The following BCAT1 variants were observed in gnomAD, a reference collection of about 807,000 sequenced individuals.
BCAT1 encodes branched chain amino acid transaminase 1.
Under a neutral mutation model 52.4 loss-of-function variants are expected in BCAT1, and 48 were observed. The ratio of observed to expected loss-of-function variants is 0.92; its 90% confidence interval spans 0.73 to 1.16. The LOEUF (loss-of-function observed/expected upper bound fraction) is 1.16. Among genes scored for constraint, BCAT1 ranks in the 50% most tolerant of loss-of-function variants. The pLI, the probability that BCAT1 is intolerant of heterozygous loss-of-function variation, is 0.00. For synonymous variants in BCAT1, 167 were observed against 161.3 expected (o/e 1.04, Z -0.27); for missense variants, 451 against 457.1 (o/e 0.99, Z 0.12).
chr12:24,888,840 A>C (rs774806869), intron 3 of BCAT1, among the ~76,000 whole-genome samples: 9 of 152,178 alleles, frequency 5.9e-5, no homozygotes, highest in Non-Finnish European at 1.0e-4. Context: ...AGCCTGTAAA[A>C]TCAAGCTGCA....
intron 8 of BCAT1, among the ~76,000 whole-genome samples, chr12:24,833,459 C>T (rs1940775609): frequency 1.3e-5 from 2 of 152,092 alleles, no homozygotes. Flanking sequence ...GCAGAGGTTG[C>T]AGTGAACCAA....
At chr12:24,834,527 G>A (rs922479744) in intron 8 of BCAT1, 1 of 975,596 alleles carries the variant, frequency 1.0e-6, no homozygotes, top group Admixed American at 6.2e-5. Flanking sequence ...AAATAGAGAG[G>A]TTTAAAAAAA....
intron 1 of BCAT1, among the ~76,000 whole-genome samples, chr12:24,937,812 G>T (rs1052025746): frequency 1.3e-5 from 2 of 152,172 alleles, no homozygotes; most frequent in Non-Finnish European, 2.9e-5. Flanking sequence ...GAAGACAGTG[G>T]CCTAAACTGG....
chr12:24,887,080 AATATATATAT>A lies in BCAT1; in HGVS notation c.280-5679_280-5670del, dbSNP rs71063368. ...GCTAGCTAAAAAAAAAAAAAAAAAA[AATATATATAT>A]ATATATATATATATATATATAAAGC... On this transcript the variant is annotated intron_variant, in intron 3 of 10. Coordinates refer to ENST00000261192, the MANE Select transcript of BCAT1 (RefSeq NM_005504.7). Among the ~76,000 whole-genome samples the A allele has an allele frequency of 4.7e-3, 193 of 40,720 alleles. 2 individuals carry two copies. Among genetic ancestry groups the A allele is most frequent in the Non-Finnish European group, 5.3e-3 (101 of 19,058 alleles). 26.7% of individuals were successfully genotyped at this position (40,720 alleles called of 152,430 possible). A position where few individuals can be genotyped will look rare whatever the true frequency, so the allele number is the denominator to read the frequency against.
chr12:24,933,511 G>A (rs1030983801), intron 1 of BCAT1, among the ~76,000 whole-genome samples: 4 of 151,996 alleles, frequency 2.6e-5, no homozygotes, highest in African/African-American at 9.7e-5. Context: ...CCTCTGATAT[G>A]GTTTGGTTTG....
intron 1 of BCAT1, among the ~76,000 whole-genome samples, chr12:24,943,971 A>G (rs9668028): frequency 0.019 from 2,867 of 151,978 alleles, 101 homozygotes; most frequent in African/African-American, 0.064. Flanking sequence ...GTGACAGAGC[A>G]AGACTCCGTC....
chr12:24,880,483 A>G (rs953079835), intron 4 of BCAT1, among the ~76,000 whole-genome samples: 15 of 152,224 alleles, frequency 9.9e-5, no homozygotes, highest in African/African-American at 3.6e-4. Context: ...CCATCTTACA[A>G]TGATTTCTGC....
At chr12:24,941,765 A>G (rs1943852603) in intron 1 of BCAT1, among the ~76,000 whole-genome samples, 1 of 152,234 alleles carries the variant, frequency 6.6e-6, no homozygotes, top group Non-Finnish European at 1.5e-5. Flanking sequence ...AAATCTATGC[A>G]TACCTTCCCA....
At chr12:24,876,176 A>C (rs1942329658) in intron 5 of BCAT1, among the ~76,000 whole-genome samples, 2 of 151,690 alleles carry the variant, frequency 1.3e-5, no homozygotes, top group South Asian at 4.2e-4. Flanking sequence ...AACATCATAC[A>C]GTCAAAAACT....
chr12:24,841,992 T>C, intron 7 of BCAT1, 90 bp downstream of exon 7: 1 of 1,441,500 alleles, frequency 6.9e-7, no homozygotes, highest in Non-Finnish European at 9.5e-7. Flanking sequence ...CTGTGCTACT[T>C]ACTCCCTTGT....
chr12:24,876,982 A>C (rs546567063), intron 5 of BCAT1, among the ~76,000 whole-genome samples: 51 of 152,326 alleles, frequency 3.3e-4, no homozygotes, highest in African/African-American at 1.2e-3. Flanking sequence ...AATTATCTTA[A>C]AATGTCAAAA....
chr12:24,902,136 C>T (rs1943123542), intron 1 of BCAT1: 1 of 1,447,534 alleles, frequency 6.9e-7, no homozygotes, highest in African/African-American at 1.4e-5. Flanking sequence ...TCAGGGAAGA[C>T]TGGTTAAATT....
chr12:24,887,559 G>T (rs1468049165), intron 3 of BCAT1, among the ~76,000 whole-genome samples: 1 of 152,164 alleles, frequency 6.6e-6, no homozygotes, highest in Non-Finnish European at 1.5e-5. Flanking sequence ...AAGAATAATG[G>T]TTACCAGTAG....
chr12:24,896,954 AAG>A (rs1372670180), intron 2 of BCAT1, among the ~76,000 whole-genome samples: 1 of 152,228 alleles, frequency 6.6e-6, no homozygotes, highest in African/African-American at 2.4e-5. Flanking sequence ...CCAGGATTTA[AAG>A]AGAGTGAAAT....
chr12:24,882,067 T>G (rs566565386), intron 3 of BCAT1, among the ~76,000 whole-genome samples: 1 of 152,334 alleles, frequency 6.6e-6, no homozygotes, highest in African/African-American at 2.4e-5. Flanking sequence ...TTAACACAGC[T>G]TCTCTAAGTA....
At chr12:24,910,692 T>C (rs1943308936) in intron 1 of BCAT1, among the ~76,000 whole-genome samples, 1 of 152,234 alleles carries the variant, frequency 6.6e-6, no homozygotes, top group Admixed American at 6.5e-5. Context: ...ATGACAGTGA[T>C]ACAAATCCTT....
Position 24,894,356 on chromosome 12 carries a change from A to G in BCAT1, c.198T>C (p.Phe66=). The G allele has an allele frequency of 6.2e-7, 1 of 1,613,970 alleles. No individual in the cohort carries two copies. Among genetic ancestry groups the G allele is most frequent in the Non-Finnish European group, 8.5e-7 (1 of 1,179,880 alleles). The change falls in exon 3 of 11, where the codon TTT becomes TTC. Residue 66 remains phenylalanine, a synonymous_variant. Coordinates refer to ENST00000261192, the MANE Select transcript of BCAT1 (RefSeq NM_005504.7). ...HMLTVEWSSE[F]GWEKPHIKPL... is the part of the protein sequence containing the mutation. Reference sequence around the variant, plus strand: ...GCTTGATATGAGGTTTCTCCCATCCAAACTCTGAGGACCACTCCACCGTCA... The same window carrying G: ...GCTTGATATGAGGTTTCTCCCATCCGAACTCTGAGGACCACTCCACCGTCA...
intron 1 of BCAT1, among the ~76,000 whole-genome samples, chr12:24,924,681 C>A (rs573288752): frequency 6.6e-6 from 1 of 152,002 alleles, no homozygotes; most frequent in East Asian, 1.9e-4. Flanking sequence ...CAAAAACACA[C>A]AAATATTGAT....
At chr12:24,835,249 T>G (rs1285871757) in intron 8 of BCAT1, among the ~76,000 whole-genome samples, 2 of 152,220 alleles carry the variant, frequency 1.3e-5, no homozygotes, top group Non-Finnish European at 2.9e-5. Flanking sequence ...AGCAGTTGGG[T>G]CTTGTCTACT....
Sources: allele counts gnomAD v4.1 joint callset (sites outside exome capture counted in the v4.1 genomes callset), GRCh38; gene constraint gnomAD v4.1.1; transcripts MANE v1.5; gene names NCBI Gene and HGNC (gene_info 2026-07-23, HGNC 2026-07-21).